GATM: variants seen among roughly 807,000 people sequenced by gnomAD.
GATM encodes the protein glycine amidinotransferase.
Under a neutral mutation model 54.2 loss-of-function variants are expected in GATM, and 23 were observed. The observed-to-expected ratio is 0.42, with a 90% confidence interval of 0.31 to 0.60. GATM has a LOEUF of 0.60. Among genes scored for constraint, GATM ranks in the 20% least tolerant of loss-of-function variants. The pLI is 0.14. For missense variants in GATM, 401 were observed against 544.9 expected (o/e 0.74, Z 2.63); for synonymous variants, 168 against 183.1 (o/e 0.92, Z 0.67).
At chr15:45,374,455 T>C (rs1348109082) in intron 2 of GATM, among the ~76,000 whole-genome samples, 2 of 152,224 alleles carry the variant, frequency 1.3e-5, no homozygotes, top group Non-Finnish European at 2.9e-5. Context: ...ATGGGACTTT[T>C]CAAGAAAAGA....
At chr15:45,378,817 A>G (rs1889693679), upstream of GATM, 6 of 258,340 alleles carry the variant, frequency 2.3e-5, no homozygotes, top group South Asian at 9.7e-5. Flanking sequence ...ACTGGGCAGG[A>G]CGCGACTTCT....
chr15:45,393,872 C>G (rs1452448992), intron 3 of GATM, among the ~76,000 whole-genome samples: 2 of 152,182 alleles, frequency 1.3e-5, no homozygotes, highest in Non-Finnish European at 2.9e-5. Context: ...AATGCTCAAC[C>G]TGTAGTATGT....
intron 1 of GATM, chr15:45,377,937 T>A (rs1889667989): frequency 6.4e-6 from 1 of 156,236 alleles, no homozygotes; most frequent in South Asian, 2.0e-4. Flanking sequence ...CCCACACGCA[T>A]TTTCCAGAAA....
rs1189424235 is a variant in GATM, at chr15:45,378,399, A to G, written c.55T>C (p.Tyr19His). ...GGCGCACGCACCCGAGATCCGATGTAGTGCACCGCCTCGGCGCCGCGGCTC... is the reference window on the plus strand; with the variant it reads ...GGCGCACGCACCCGAGATCCGATGTGGTGCACCGCCTCGGCGCCGCGGCTC... ...GGSRGAEAVH[Y>H]IGSRLGRTLT... The change falls in exon 1 of 9, where the codon TAC becomes CAC. Residue 19 changes from tyrosine to histidine, a missense_variant. By Grantham distance (83) the Tyr-to-His change is moderately conservative. Around this residue, in one of 3 missense-constraint regions of GATM, gnomAD observed 70 missense variants for 61.5 expected, o/e 1.14. Coordinates refer to ENST00000396659, the MANE Select transcript of GATM (RefSeq NM_001482.3). 6.6e-7 allele frequency: 1 copy of G among 1,511,978 alleles called. No homozygotes were observed. The allele number at this position is 1,511,978 out of a possible 1,614,324, so 93.7% of individuals were successfully genotyped here. A position where few individuals can be genotyped will look rare whatever the true frequency, so the allele number is the denominator to read the frequency against.
At chr15:45,388,842 T>C (rs1316816847) in intron 3 of GATM, among the ~76,000 whole-genome samples, 2 of 152,236 alleles carry the variant, frequency 1.3e-5, no homozygotes, top group African/African-American at 4.8e-5. Context: ...TTCCTTTTCA[T>C]ACTTTATTCT....
chr15:45,363,339 A>G (rs1889397390), intron 8 of GATM, among the ~76,000 whole-genome samples: 1 of 152,210 alleles, frequency 6.6e-6, no homozygotes, highest in South Asian at 2.1e-4. Context: ...TCTCAATAAT[A>G]CTAGAATCAT....
intron 2 of GATM, among the ~76,000 whole-genome samples, chr15:45,370,966 G>C (rs912380067): frequency 1.3e-5 from 2 of 152,076 alleles, no homozygotes; most frequent in African/African-American, 4.8e-5. Context: ...GTAGAGACAG[G>C]GTTTCACCAT....
chr15:45,377,228 C>A (rs778870626), intron 1 of GATM: 5 of 489,302 alleles, frequency 1.0e-5, no homozygotes, highest in Non-Finnish European at 2.0e-5. Context: ...GGGGACGGAA[C>A]CTCCTTTTCC....
intron 3 of GATM, among the ~76,000 whole-genome samples, chr15:45,383,609 T>A (rs201127156): frequency 1.3e-5 from 2 of 148,428 alleles, no homozygotes; most frequent in African/African-American, 5.0e-5. Context: ...TTTTTTTTTT[T>A]AATTTAATGT....
chr15:45,376,968 G>A (rs2140657845), intron 1 of GATM, 149 bp from the exon 2 acceptor site: 3 of 715,964 alleles, frequency 4.2e-6, no homozygotes, highest in Admixed American at 4.3e-5. Context: ...ACAGTGTGTA[G>A]GTGGGTAGTG....
At chr15:45,392,422 C>G (rs1889883224) in intron 3 of GATM, among the ~76,000 whole-genome samples, 1 of 152,170 alleles carries the variant, frequency 6.6e-6, no homozygotes, top group African/African-American at 2.4e-5. Context: ...TCATACATAT[C>G]ATCTCATTTG....
Position 45,369,204 on chromosome 15 carries a change from AGTT to A in GATM, c.484+119_484+121del, listed in dbSNP as rs1225011875. ...AAACCATTCCTAAATAAATCTTTAA[AGTT>A]TTCAAGAACTAGCAAAGCAAAGGAC... On this transcript the variant is annotated intron_variant, in intron 3 of 8. Coordinates refer to ENST00000396659, the MANE Select transcript of GATM (RefSeq NM_001482.3). 4 of 760,422 alleles carry A rather than the reference AGTT, an allele frequency of 5.3e-6. No individual in the cohort carries two copies. The African/African-American group carries it at 7.0e-5, about 13-fold the overall frequency. The allele number at this position is 760,422 out of a possible 1,614,324, so 47.1% of individuals were successfully genotyped here.
chr15:45,377,480 G>A (rs142380294), intron 1 of GATM: 21 of 335,926 alleles, frequency 6.3e-5, no homozygotes, highest in African/African-American at 4.1e-4. Flanking sequence ...TAGCTCAGGC[G>A]TAAATTCAAA....
At chr15:45,367,340 C>CAAAA (rs199666485) in intron 4 of GATM, among the ~76,000 whole-genome samples, 1 of 138,786 alleles carries the variant, frequency 7.2e-6, no homozygotes, top group Non-Finnish European at 1.6e-5. Context: ...GACTCCATCT[C>CAAAA]AAAAAAAAAA....
intron 3 of GATM, among the ~76,000 whole-genome samples, chr15:45,395,286 A>G (rs532903721): frequency 6.6e-6 from 1 of 152,340 alleles, no homozygotes; most frequent in African/African-American, 2.4e-5. Flanking sequence ...CTAAAGATCT[A>G]AGAGTTATTA....
intron 3 of GATM, among the ~76,000 whole-genome samples, chr15:45,391,985 C>G (rs905417741): frequency 4.6e-5 from 7 of 152,156 alleles, no homozygotes; most frequent in Non-Finnish European, 8.8e-5. Flanking sequence ...ACCAAACTAC[C>G]CAGCTTTAAA....
intron 8 of GATM, among the ~76,000 whole-genome samples, chr15:45,363,271 TAC>T (rs112339773): frequency 6.6e-6 from 1 of 152,062 alleles, no homozygotes; most frequent in Non-Finnish European, 1.5e-5. Flanking sequence ...TGTCTCAAAA[TAC>T]ACACACACAC....
chr15:45,378,649 C>T, upstream of GATM: 1 of 451,744 alleles, frequency 2.2e-6, no homozygotes, highest in African/African-American at 2.1e-5. Flanking sequence ...CGGCGTAGCG[C>T]CCCGAATTAG....
In GATM at chr15:45,393,379, T is replaced by C. The variant is rs570372026; in HGVS notation, c.-319+3543A>G. 8.6e-5 allele frequency among the ~76,000 whole-genome samples: 13 copies of C among 151,962 alleles called. No individual in the cohort carries two copies. In the South Asian group the frequency reaches 1.9e-3, roughly 22 times the overall value. ...ACTAGCTGTGTGAACTTGGGAAAGC[T>C]ACTTAACATTTTGCGCCTCAGTTCT... On this transcript the variant is annotated intron_variant, in intron 3 of 4. Transcript: ENST00000561148.
Sources: gnomAD v4.1 joint callset for allele counts (sites outside exome capture counted in the v4.1 genomes callset) on GRCh38, gnomAD v4.1.1 for gene constraint, gnomAD v4.1.1 regional missense constraint, MANE v1.5 for transcripts, NCBI Gene and HGNC (gene_info 2026-07-23, HGNC 2026-07-21) for gene names.